RAD51B: variants seen among roughly 807,000 people sequenced by gnomAD.
RAD51B encodes DNA repair protein RAD51 homolog 2.
A neutral mutation model predicts 42.2 loss-of-function variants in RAD51B; 38 were observed. That is an observed-to-expected ratio of 0.90 (90% confidence interval 0.70 to 1.18). The LOEUF (loss-of-function observed/expected upper bound fraction) is 1.18, where lower values mean the gene tolerates loss of function less well. Among genes scored for constraint, RAD51B ranks in the 50% most tolerant of loss-of-function variants. The probability of loss-of-function intolerance (pLI) is 0.00; values close to 1 mark genes in which losing one functional copy is unlikely to be tolerated. For missense variants in RAD51B, 373 were observed against 400.7 expected (o/e 0.93, Z 0.59); for synonymous variants, 154 against 145.2 (o/e 1.06, Z -0.43).
intron 11 of RAD51B, among the ~76,000 whole-genome samples, chr14:68,672,567 A>C (rs1253386420): frequency 6.6e-6 from 1 of 152,206 alleles, no homozygotes; most frequent in African/African-American, 2.4e-5. Context: ...ATATTGGATA[A>C]TCATTCCTGA....
chr14:68,093,609 T>C, intron 7 of RAD51B, among the ~76,000 whole-genome samples: 1 of 152,152 alleles, frequency 6.6e-6, no homozygotes, highest in Non-Finnish European at 1.5e-5. Flanking sequence ...TTATTAGTCT[T>C]GCTAGCGGTC....
intron 7 of RAD51B, among the ~76,000 whole-genome samples, chr14:68,182,877 G>T (rs950406420): frequency 6.6e-6 from 1 of 152,184 alleles, no homozygotes; most frequent in Non-Finnish European, 1.5e-5. Flanking sequence ...TAGATTAGGG[G>T]CTTAATCTGG....
chr14:67,858,409 G>A (rs1055063968), intron 4 of RAD51B, among the ~76,000 whole-genome samples: 30 of 152,186 alleles, frequency 2.0e-4, no homozygotes, highest in African/African-American at 2.4e-5. Flanking sequence ...TCTCTTCCCC[G>A]AAGTCCAGCT....
chr14:68,473,393 C>T (rs1882256060), intron 10 of RAD51B, among the ~76,000 whole-genome samples: 2 of 152,336 alleles, frequency 1.3e-5, no homozygotes, highest in South Asian at 4.1e-4. Context: ...TTTGCTGCTT[C>T]TGCCTGCCTC....
chr14:68,593,179 G>A (rs1332509053), intron 10 of RAD51B, among the ~76,000 whole-genome samples: 1 of 152,238 alleles, frequency 6.6e-6, no homozygotes, highest in African/African-American at 2.4e-5. Flanking sequence ...AGGCTGCTAA[G>A]TTCAGATCTT....
intron 7 of RAD51B, among the ~76,000 whole-genome samples, chr14:68,270,522 T>C (rs943112394): frequency 3.3e-5 from 5 of 152,240 alleles, no homozygotes; most frequent in African/African-American, 1.2e-4. Flanking sequence ...GTAATATAGC[T>C]TGCCTTGTTG....
In RAD51B at chr14:68,524,655, G is replaced by T. The variant is rs189261787; in HGVS notation, c.1036+56405G>T. On this transcript the variant is annotated intron_variant, in intron 10 of 10. Coordinates refer to the RAD51B transcript ENST00000487270. ...CTCCTACAAACTGTCCCTTGTAGTC[G>T]CTGTTCAGAAGGATTCCAGGCTGCC... Among the ~76,000 whole-genome samples the T allele has an allele frequency of 1.6e-3, 247 of 152,322 alleles. 2 individuals are homozygous for T. Among genetic ancestry groups the T allele is most frequent in the African/African-American group, 5.6e-3 (233 of 41,562 alleles).
At chr14:68,541,411 A>G in intron 10 of RAD51B, 2 of 985,420 alleles carry the variant, frequency 2.0e-6, no homozygotes, top group Non-Finnish European at 2.4e-6. Context: ...CAGTCCTCAC[A>G]GAGTGTGTCT....
chr14:68,599,111 C>T (rs1368164949), downstream of RAD51B, among the ~76,000 whole-genome samples: 4 of 152,186 alleles, frequency 2.6e-5, no homozygotes, highest in African/African-American at 4.8e-5. Context: ...TGGCCCACTG[C>T]GGTGCTGACC....
intron 8 of RAD51B, among the ~76,000 whole-genome samples, chr14:68,319,639 T>A (rs2082122588): frequency 6.6e-6 from 1 of 152,166 alleles, no homozygotes; most frequent in Non-Finnish European, 1.5e-5. Flanking sequence ...GAGTTATACC[T>A]TGTAGATCAC....
chr14:68,312,333 G>C (rs1420096204), intron 8 of RAD51B, among the ~76,000 whole-genome samples: 1 of 152,212 alleles, frequency 6.6e-6, no homozygotes, highest in Non-Finnish European at 1.5e-5. Context: ...CCACCGTTCT[G>C]CTTCTCTGCT....
intron 7 of RAD51B, among the ~76,000 whole-genome samples, chr14:68,160,610 T>A (rs1047497247): frequency 1.3e-5 from 2 of 152,244 alleles, no homozygotes; most frequent in Non-Finnish European, 2.9e-5. Context: ...TTTGATTTTT[T>A]AAAATATTGC....
intron 11 of RAD51B, among the ~76,000 whole-genome samples, chr14:68,673,563 TGC>T (rs1172201430): frequency 6.6e-6 from 1 of 151,154 alleles, no homozygotes; most frequent in Non-Finnish European, 1.5e-5. Context: ...CACATATGTA[TGC>T]ACACACATAC....
chr14:68,290,782 TTTTATTTATTTATTTTTA>T lies in RAD51B; in HGVS notation c.757-1086_757-1069del, dbSNP rs1466146148. 1.1e-4 allele frequency among the ~76,000 whole-genome samples: 15 copies of T among 136,628 alleles called. No individual in the cohort carries two copies. The South Asian group carries it at 3.4e-3, about 31-fold the overall frequency. The allele number at this position is 136,628 out of a possible 152,430, so 89.6% of individuals were successfully genotyped here. A position where few individuals can be genotyped will look rare whatever the true frequency, so the allele number is the denominator to read the frequency against. On this transcript the variant is annotated intron_variant, in intron 7 of 10. Coordinates refer to ENST00000471583, the MANE Select transcript of RAD51B (RefSeq NM_133510.4). ...AGAAGCCACAGGCATCCAAATTTTA[TTTTATTTATTTATTTTTA>T]TTTATTTATTTATTTATTTATTTGA...
rs1299815525 is a variant in RAD51B at position 68,184,627 on chromosome 14, A to AAC, written c.757-107256_757-107255insCA. ...CCTGTCTAAAAAAAAAAAAAAACCA[A>AAC]AAAAAAAAACAGGAAGAAGAAGAAG... On this transcript the variant is annotated intron_variant, in intron 7 of 10. Transcript: ENST00000471583. 1.3e-3 allele frequency among the ~76,000 whole-genome samples: 192 copies of AAC among 148,144 alleles called. 3 individuals are homozygous for AAC. Among genetic ancestry groups the AAC allele is most frequent in the African/African-American group, 4.5e-3 (178 of 39,724 alleles).
intron 7 of RAD51B, among the ~76,000 whole-genome samples, chr14:67,967,231 C>T (rs1327756201): frequency 1.3e-5 from 2 of 152,164 alleles, no homozygotes; most frequent in African/African-American, 2.4e-5. Flanking sequence ...AGGTCCCTCC[C>T]ACAACACAGG....
At position 68,634,947 on chromosome 14, in the gene RAD51B, G is replaced by T. The variant is rs571842190; in HGVS notation, c.1037-15834G>T. On this transcript the variant is annotated intron_variant, in intron 10 of 11. Coordinates refer to the RAD51B transcript ENST00000488612. ...TCACATCCATAAACGAGGCTCTGGGGCCTGCCTCAAGAAATGGAACTATGA... is the reference window on the plus strand; with the variant it reads ...TCACATCCATAAACGAGGCTCTGGGTCCTGCCTCAAGAAATGGAACTATGA... Among the ~76,000 whole-genome samples, 3 of 152,258 alleles carry T rather than the reference G, an allele frequency of 2.0e-5. No homozygotes were observed. In the Middle Eastern group the frequency reaches 0.01, roughly 518 times the overall value.
chr14:68,324,505 G>A (rs754795491), intron 8 of RAD51B, among the ~76,000 whole-genome samples: 12 of 152,154 alleles, frequency 7.9e-5, no homozygotes, highest in African/African-American at 2.4e-4. Context: ...AGGACTGGCC[G>A]GGGCTCAGTC....
chr14:68,454,781 T>G (rs1447347325), intron 9 of RAD51B, among the ~76,000 whole-genome samples: 1 of 152,236 alleles, frequency 6.6e-6, no homozygotes, highest in Non-Finnish European at 1.5e-5. Context: ...CTCACCATCA[T>G]GGCTGCCCAA....
Sources: allele counts gnomAD v4.1 joint callset (sites outside exome capture counted in the v4.1 genomes callset), GRCh38; gene constraint gnomAD v4.1.1; transcripts MANE v1.5; gene names NCBI Gene and HGNC (gene_info 2026-07-23, HGNC 2026-07-21).